The following NDFIP2 variants were observed in gnomAD, a reference collection of about 807,000 sequenced individuals.
The protein encoded by NDFIP2 is Nedd4 family interacting protein 2, also known as NEDD4 family-interacting protein 2.
A neutral mutation model predicts 36.0 loss-of-function variants in NDFIP2; 19 were observed. The observed-to-expected ratio is 0.53, with a 90% CI of 0.37 to 0.77. The LOEUF is 0.77. Among genes scored for constraint, NDFIP2 ranks in the 30% least tolerant of loss-of-function variants. The pLI, the probability that NDFIP2 is intolerant of heterozygous loss-of-function variation, is 0.00. For missense variants in NDFIP2, 446 were observed against 435.8 expected, an observed-to-expected ratio of 1.02 and a Z score of -0.21; for synonymous variants, 181 against 167.7, an observed-to-expected ratio of 1.08 and a Z score of -0.61.
intron 1 of NDFIP2, among the ~76,000 whole-genome samples, chr13:79,515,092 G>A (rs975184672): frequency 4.6e-5 from 7 of 152,102 alleles, no homozygotes; most frequent in Admixed American, 2.0e-4. Context: ...TACCTTGGCC[G>A]TATGGTATAG....
chr13:79,484,758 A>G (rs896310638), intron 1 of NDFIP2, among the ~76,000 whole-genome samples: 13 of 152,188 alleles, frequency 8.5e-5, no homozygotes, highest in Admixed American at 7.2e-4. Flanking sequence ...AGGCCTGACT[A>G]TTAACGGGTA....
intron 4 of NDFIP2, 25 bp downstream of exon 4, chr13:79,539,800 T>G (rs748127807): frequency 6.2e-7 from 1 of 1,602,068 alleles, no homozygotes; most frequent in South Asian, 1.1e-5. Flanking sequence ...TAAACTATTT[T>G]GGGTTGTTTT....
At chr13:79,530,874 A>G (rs1566664225) in intron 2 of NDFIP2, among the ~76,000 whole-genome samples, 1 of 152,018 alleles carries the variant, frequency 6.6e-6, no homozygotes, top group Non-Finnish European at 1.5e-5. Context: ...TCAACTTCCA[A>G]CTCCTGTTAA....
At chr13:79,500,599 G>T (rs1873621350) in intron 1 of NDFIP2, among the ~76,000 whole-genome samples, 1 of 151,862 alleles carries the variant, frequency 6.6e-6, no homozygotes, top group Non-Finnish European at 1.5e-5. Context: ...TGAAATGATG[G>T]TTAAAACAAC....
At position 79,533,317 on chromosome 13, in the gene NDFIP2, C is replaced by T; in HGVS notation, c.488-6C>T. 1.3e-6 allele frequency: 2 copies of T among 1,588,912 alleles called. No individual in the cohort carries two copies. Among genetic ancestry groups the T allele is most frequent in the Non-Finnish European group, 1.7e-6 (2 of 1,172,024 alleles). On this transcript the variant is annotated splice_polypyrimidine_tract_variant and splice_region_variant and intron_variant, in intron 2 of 7. Transcript: ENST00000218652. ...ATTGGTTATTCTTTTTGAATTCTTT[C>T]TTCAGATACAGAAGTTTACGGTGAG...
intron 1 of NDFIP2, among the ~76,000 whole-genome samples, chr13:79,504,230 T>G (rs1028732931): frequency 2.6e-5 from 4 of 152,190 alleles, no homozygotes; most frequent in Admixed American, 2.6e-4. Flanking sequence ...AAAAATAATT[T>G]TAGACACAGA....
chr13:79,548,476 TG>T (rs1180956102), intron 6 of NDFIP2, 82 bp downstream of exon 6: 1 of 1,082,238 alleles, frequency 9.2e-7, no homozygotes. Context: ...TTGCAATTTA[TG>T]TGGAAATTAT....
At chr13:79,496,905 T>G (rs1873454325) in intron 1 of NDFIP2, among the ~76,000 whole-genome samples, 1 of 152,028 alleles carries the variant, frequency 6.6e-6, no homozygotes, top group Non-Finnish European at 1.5e-5. Context: ...TCTGCTGAGA[T>G]TCCCTGTCTT....
At chr13:79,488,323 C>T (rs867311795) in intron 1 of NDFIP2, among the ~76,000 whole-genome samples, 7 of 152,044 alleles carry the variant, frequency 4.6e-5, no homozygotes, top group African/African-American at 1.2e-4. Context: ...TAAAATTTCT[C>T]TTGCTATTTT....
intron 1 of NDFIP2, 40 bp from the exon 2 acceptor site, chr13:79,520,770 A>G: frequency 1.3e-6 from 2 of 1,516,608 alleles, no homozygotes; most frequent in Middle Eastern, 1.8e-4. Context: ...AAAAATAATT[A>G]GCATTACATT....
At position 79,520,915 on chromosome 13, in the gene NDFIP2, G is replaced by C. The variant is rs756884977; in HGVS notation, c.427G>C (p.Glu143Gln). Reference protein sequence around the residue: ...VQAASSAPALETDSSPPPYSS... With the variant: ...VQAASSAPALQTDSSPPPYSS... ...GGCTGCGTCTTCAGCACCAGCACTTGAAACTGACTCTTCCCCTCCACCATA... is the reference window on the plus strand; with the variant it reads ...GGCTGCGTCTTCAGCACCAGCACTTCAAACTGACTCTTCCCCTCCACCATA... The change falls in exon 2 of 8, where the codon GAA becomes CAA. Residue 143 changes from glutamate to glutamine, a missense_variant. Transcript: ENST00000218652. 7 of 1,613,588 alleles carry C rather than the reference G, an allele frequency of 4.3e-6. No individual in the cohort carries two copies. The highest frequency in any genetic ancestry group is 2.7e-5 in the African/African-American group (2 of 74,870).
intron 3 of NDFIP2, among the ~76,000 whole-genome samples, chr13:79,535,933 T>C (rs1875219285): frequency 6.6e-6 from 1 of 152,180 alleles, no homozygotes. Flanking sequence ...TGAAAAAAAG[T>C]CTCATCAAAT....
At chr13:79,533,216 G>T in intron 2 of NDFIP2, 107 bp from the exon 3 acceptor site, 2 of 851,752 alleles carry the variant, frequency 2.3e-6, no homozygotes, top group Non-Finnish European at 3.5e-6. Context: ...GCCTATAATA[G>T]CAATAGTAGT....
At chr13:79,492,647 A>C (rs1873278233) in intron 1 of NDFIP2, among the ~76,000 whole-genome samples, 1 of 152,008 alleles carries the variant, frequency 6.6e-6, no homozygotes, top group Non-Finnish European at 1.5e-5. Flanking sequence ...TGGCTTCCCA[A>C]AGTGCTGGGA....
At chr13:79,505,858 C>T (rs1342959595) in intron 1 of NDFIP2, among the ~76,000 whole-genome samples, 2 of 151,678 alleles carry the variant, frequency 1.3e-5, no homozygotes, top group Admixed American at 1.3e-4. Flanking sequence ...AAATCATCAC[C>T]TTAAAGTGGA....
At chr13:79,482,174 T>TTC (rs2079818754) in intron 1 of NDFIP2, among the ~76,000 whole-genome samples, 56 of 88,342 alleles carry the variant, frequency 6.3e-4, no homozygotes, top group Middle Eastern at 8.5e-3. Context: ...TCTTTCTTTT[T>TTC]TTTTTTTTTT....
intron 1 of NDFIP2, among the ~76,000 whole-genome samples, chr13:79,496,365 A>G (rs1873433191): frequency 6.6e-6 from 1 of 151,968 alleles, no homozygotes; most frequent in Non-Finnish European, 1.5e-5. Flanking sequence ...CTATAAAGAC[A>G]TTCTTTCATT....
At chr13:79,495,324 C>A (rs1358445824) in intron 1 of NDFIP2, among the ~76,000 whole-genome samples, 1 of 151,872 alleles carries the variant, frequency 6.6e-6, no homozygotes, top group African/African-American at 2.4e-5. Context: ...TTAAAATCTG[C>A]AATGATTTAA....
At chr13:79,482,165 C>T (rs60128630) in intron 1 of NDFIP2, among the ~76,000 whole-genome samples, 2,007 of 58,602 alleles carry the variant, frequency 0.034, 66 homozygotes, top group African/African-American at 0.12. Context: ...TTCTTTCTTT[C>T]TTTCTTTTTT....
Sources: allele counts gnomAD v4.1 joint callset (sites outside exome capture counted in the v4.1 genomes callset), GRCh38; gene constraint gnomAD v4.1.1; transcripts MANE v1.5; gene names NCBI Gene and HGNC (gene_info 2026-07-23, HGNC 2026-07-21).